Variants in XNDC1N observed in about 807,000 individuals in gnomAD.
XNDC1N encodes the protein XRCC1 N-terminal domain containing 1, N-terminal like, also known as protein XNDC1N.
the XNDC1N span, among the ~76,000 whole-genome samples, chr11:71,889,865 C>T: frequency 2.0e-5 from 3 of 152,100 alleles, no homozygotes; most frequent in Admixed American, 2.0e-4. Flanking sequence ...TGGGAGGAGG[C>T]CTATCAAACA....
At chr11:71,917,233 C>T in the XNDC1N span, 8 of 604,556 alleles carry the variant, frequency 1.3e-5, no homozygotes, top group Admixed American at 5.2e-5. Flanking sequence ...AGGCTGGTCT[C>T]GAACTCCTGA....
the XNDC1N span, among the ~76,000 whole-genome samples, chr11:71,874,433 G>A: frequency 1.8e-4 from 27 of 152,234 alleles, no homozygotes; most frequent in East Asian, 7.7e-4. Context: ...GTTTTTGTTC[G>A]TTTTTGTTTT....
At chr11:71,928,528 T>G in the XNDC1N span, 1 of 702,564 alleles carries the variant, frequency 1.4e-6, no homozygotes. Flanking sequence ...GAAGCTGCTG[T>G]TTTTGAAAAT....
chr11:71,903,592 G>A, the XNDC1N span: 1 of 641,696 alleles, frequency 1.6e-6, no homozygotes, highest in Non-Finnish European at 2.9e-6. Context: ...ATATCGTTCA[G>A]CCATCTTGAA....
chr11:71,900,971 A>C, the XNDC1N span, among the ~76,000 whole-genome samples: 1 of 152,086 alleles, frequency 6.6e-6, no homozygotes, highest in South Asian at 2.1e-4. Flanking sequence ...TGCCCTCTCA[A>C]ATCCTCGTCA....
chr11:71,892,684 T>C, the XNDC1N span, among the ~76,000 whole-genome samples: 3,995 of 148,648 alleles, frequency 0.027, 164 homozygotes, highest in African/African-American at 0.095. Flanking sequence ...CCCGGCTAAT[T>C]TTTTTTTTTA....
the XNDC1N span, among the ~76,000 whole-genome samples, chr11:71,895,475 ATTTTTTTTTTTT>A: frequency 2.7e-4 from 27 of 98,368 alleles, no homozygotes; most frequent in Non-Finnish European, 3.6e-4. Context: ...ATGCCTGGCT[ATTTTTTTTTTTT>A]TTTTTTTTTT....
chr11:71,907,834 C>T, the XNDC1N span, among the ~76,000 whole-genome samples: 7 of 152,136 alleles, frequency 4.6e-5, no homozygotes, highest in Admixed American at 1.3e-4. Context: ...CATATCACCC[C>T]CTCCGCCTTG....
At chr11:71,903,359 A>C in the XNDC1N span, 2 of 1,439,470 alleles carry the variant, frequency 1.4e-6, no homozygotes, top group Admixed American at 3.4e-5. Flanking sequence ...CCACCTCCAC[A>C]CCCCATGTAC....
At chr11:71,884,337 A>G in the XNDC1N span, 1 of 1,402,662 alleles carries the variant, frequency 7.1e-7, no homozygotes, top group East Asian at 2.6e-5. Context: ...TTTATTATAA[A>G]ACATTTCAGA....
the XNDC1N span, among the ~76,000 whole-genome samples, chr11:71,886,645 G>A: frequency 1.1e-4 from 16 of 152,216 alleles, no homozygotes; most frequent in East Asian, 7.7e-4. Flanking sequence ...GAAAATCAGC[G>A]CATGATTCCC....
the XNDC1N span, chr11:71,865,805 T>C: frequency 6.8e-6 from 3 of 439,314 alleles, no homozygotes; most frequent in South Asian, 5.0e-5. Flanking sequence ...GTTTCCTTTA[T>C]ATTGTAGGAT....
chr11:71,899,082 T>G, the XNDC1N span, among the ~76,000 whole-genome samples: 1 of 152,172 alleles, frequency 6.6e-6, no homozygotes. Flanking sequence ...TCTTGCATTA[T>G]TATACGGACA....
the XNDC1N span, among the ~76,000 whole-genome samples, chr11:71,885,307 C>A: frequency 6.6e-6 from 1 of 152,142 alleles, no homozygotes; most frequent in Non-Finnish European, 1.5e-5. Flanking sequence ...ACATTCTTCC[C>A]TCCAGGATCA....
the XNDC1N span, among the ~76,000 whole-genome samples, chr11:71,897,352 C>CAT: frequency 6.6e-6 from 1 of 152,178 alleles, no homozygotes; most frequent in Non-Finnish European, 1.5e-5. Context: ...TGACAGCCAT[C>CAT]ATATATAAAG....
chr11:71,881,950 T>G, the XNDC1N span, among the ~76,000 whole-genome samples: 3 of 152,120 alleles, frequency 2.0e-5, no homozygotes, highest in African/African-American at 7.2e-5. Flanking sequence ...GAAGAAATTC[T>G]GACTGAGATT....
chr11:71,889,894 G>A, the XNDC1N span, among the ~76,000 whole-genome samples: 4 of 152,158 alleles, frequency 2.6e-5, no homozygotes, highest in Admixed American at 6.5e-5. Flanking sequence ...GAAATCTCGT[G>A]AAGTAACCCC....
chr11:71,899,201 A>C, the XNDC1N span, among the ~76,000 whole-genome samples: 2 of 152,148 alleles, frequency 1.3e-5, no homozygotes, highest in Non-Finnish European at 2.9e-5. Flanking sequence ...CCAGCCCTGC[A>C]GTGTGGGGTT....
At chr11:71,900,525 C>T in the XNDC1N span, among the ~76,000 whole-genome samples, 1 of 152,152 alleles carries the variant, frequency 6.6e-6, no homozygotes, top group Admixed American at 6.5e-5. Context: ...CTTGGTTGTG[C>T]TGGGGGTCTC....
Sources: allele counts gnomAD v4.1 joint callset (sites outside exome capture counted in the v4.1 genomes callset), GRCh38; gene constraint gnomAD v4.1.1; transcripts MANE v1.5; gene names NCBI Gene and HGNC (gene_info 2026-07-23, HGNC 2026-07-21).